The following DDX10 variants were observed in gnomAD, a reference collection of about 807,000 sequenced individuals.
The protein encoded by DDX10 is probable ATP-dependent RNA helicase DDX10.
DDX10 carries 74 observed loss-of-function variants against 104.3 expected under a neutral mutation model. The ratio of observed to expected loss-of-function variants is 0.71; its 90% confidence interval spans 0.59 to 0.86. The LOEUF is 0.86. Ranked by LOEUF, DDX10 falls within the 40% of genes least tolerant of loss-of-function variation. The pLI is 0.00. For missense variants in DDX10, 952 were observed against 1,040.0 expected (o/e 0.92, Z 1.16); for synonymous variants, 351 against 353.4 (o/e 0.99, Z 0.08).
intron 13 of DDX10, among the ~76,000 whole-genome samples, chr11:108,725,278 C>T (rs894655726): frequency 2.2e-4 from 34 of 152,050 alleles, no homozygotes; most frequent in African/African-American, 7.5e-4. Flanking sequence ...TAAACATATA[C>T]ATTTTTATGT....
At position 108,688,958 on chromosome 11, in the gene DDX10, A is replaced by T. The variant is rs768655680; in HGVS notation, c.871A>T (p.Asn291Tyr). 1 of 1,614,010 alleles carries T rather than the reference A, an allele frequency of 6.2e-7. No homozygotes were observed. Among genetic ancestry groups the T allele is most frequent in the Non-Finnish European group, 8.5e-7 (1 of 1,179,978 alleles). ...AAGCACCCCTGCCACTTTGGAACAG[A>T]ACTACATAGTCTGTGAGCTGCAGCA... The part of the protein sequence containing the change: ...KYSTPATLEQ[N>Y]YIVCELQQKI... Residue 291 changes from asparagine (N) to tyrosine (Y), a missense_variant, in exon 7 of 18, where the codon AAC (asparagine) becomes TAC (tyrosine). This residue lies in a region of DDX10 where 412 missense variants were observed against 479.2 expected (regional missense o/e 0.86). Coordinates refer to ENST00000322536, the MANE Select transcript of DDX10 (RefSeq NM_004398.4).
chr11:108,759,459 G>A (rs2094348146), intron 13 of DDX10, among the ~76,000 whole-genome samples: 1 of 151,990 alleles, frequency 6.6e-6, no homozygotes, highest in African/African-American at 2.4e-5. Flanking sequence ...CTCCAGGGGT[G>A]TTGTTTGGTA....
chr11:108,697,527 TTTGTC>T (rs549271839), intron 9 of DDX10, among the ~76,000 whole-genome samples: 19 of 152,294 alleles, frequency 1.2e-4, no homozygotes, highest in Admixed American at 3.9e-4. Flanking sequence ...TTTGGGTACT[TTTGTC>T]TTGAAGTACC....
At chr11:108,895,552 G>A (rs1365992649) in intron 16 of DDX10, among the ~76,000 whole-genome samples, 10 of 151,802 alleles carry the variant, frequency 6.6e-5, no homozygotes, top group East Asian at 3.9e-4. Context: ...TGATTTTAAC[G>A]TCTTATAAAA....
chr11:108,918,292 CT>C (rs201078868), intron 17 of DDX10: 26,891 of 313,196 alleles, frequency 0.086, 151 homozygotes, highest in Middle Eastern at 0.11. Context: ...TTTCTCTATT[CT>C]TTTTTTTTTT....
At chr11:108,704,131 A>G (rs2094272450) in intron 9 of DDX10, among the ~76,000 whole-genome samples, 1 of 152,192 alleles carries the variant, frequency 6.6e-6, no homozygotes, top group African/African-American at 2.4e-5. Flanking sequence ...GAATGAGTAG[A>G]TGAGATGGAC....
At chr11:108,692,468 C>A (rs35098485) in intron 8 of DDX10, among the ~76,000 whole-genome samples, 1 of 151,980 alleles carries the variant, frequency 6.6e-6, no homozygotes, top group African/African-American at 2.4e-5. Flanking sequence ...ATTTTCAAAA[C>A]CTGCTTTGTT....
intron 16 of DDX10, among the ~76,000 whole-genome samples, chr11:108,905,315 G>GT (rs1281918532): frequency 2.7e-5 from 4 of 148,608 alleles, no homozygotes; most frequent in Admixed American, 6.7e-5. Context: ...TTGTTTAAGG[G>GT]GGGGGGGGGT....
At chr11:108,771,428 C>T (rs370267425) in intron 13 of DDX10, among the ~76,000 whole-genome samples, 53 of 151,800 alleles carry the variant, frequency 3.5e-4, no homozygotes, top group Non-Finnish European at 4.0e-4. Context: ...GGCATGATCT[C>T]GACTCATGGA....
At chr11:108,801,873 A>C (rs1316934337) in intron 13 of DDX10, among the ~76,000 whole-genome samples, 2 of 152,184 alleles carry the variant, frequency 1.3e-5, no homozygotes, top group African/African-American at 4.8e-5. Flanking sequence ...AATTCAAAGG[A>C]AGCTCCTTTT....
At chr11:108,865,004 A>G (rs553573453) in intron 16 of DDX10, among the ~76,000 whole-genome samples, 33 of 152,222 alleles carry the variant, frequency 2.2e-4, no homozygotes, top group Non-Finnish European at 4.6e-4. Context: ...ATGCTGGGAT[A>G]TAAGGGCATC....
intron 13 of DDX10, among the ~76,000 whole-genome samples, chr11:108,817,042 C>T (rs932203515): frequency 5.9e-5 from 9 of 152,102 alleles, no homozygotes; most frequent in Non-Finnish European, 1.0e-4. Flanking sequence ...AGAAAAATGG[C>T]ATTCTTTATG....
chr11:108,755,681 C>A lies in DDX10; in HGVS notation c.1965+32219C>A, dbSNP rs1332272993. ...TCAGATGATTACATGGAGAAGCTTA[C>A]TTTTATGAGACAATATAGTGAAATG... On this transcript the variant is annotated intron_variant, in intron 13 of 17. Coordinates refer to ENST00000322536, the MANE Select transcript of DDX10 (RefSeq NM_004398.4). Among the ~76,000 whole-genome samples, 3 of 152,120 alleles carry A rather than the reference C, an allele frequency of 2.0e-5. No individual in the cohort carries two copies. In the East Asian group the frequency reaches 5.8e-4, roughly 29 times the overall value.
At chr11:108,875,891 T>A (rs963471227) in intron 16 of DDX10, among the ~76,000 whole-genome samples, 1 of 152,172 alleles carries the variant, frequency 6.6e-6, no homozygotes, top group East Asian at 1.9e-4. Context: ...TTCACTGTTT[T>A]CATACAGATG....
chr11:108,802,927 A>C (rs1249247234), intron 13 of DDX10, among the ~76,000 whole-genome samples: 1 of 152,240 alleles, frequency 6.6e-6, no homozygotes, highest in Admixed American at 6.5e-5. Flanking sequence ...CTATCAGTCC[A>C]AGCAATCTAT....
intron 13 of DDX10, among the ~76,000 whole-genome samples, chr11:108,771,759 G>A (rs1310796284): frequency 6.6e-6 from 1 of 152,150 alleles, no homozygotes; most frequent in Non-Finnish European, 1.5e-5. Flanking sequence ...AGCTTTAATT[G>A]GTAAAGAAGT....
chr11:108,805,281 C>G (rs139994358), intron 13 of DDX10, among the ~76,000 whole-genome samples: 2 of 152,366 alleles, frequency 1.3e-5, no homozygotes, highest in East Asian at 1.9e-4. Context: ...TGCCCTGCCA[C>G]TCTGTGAGGC....
chr11:108,691,840 G>A (rs1386902164), intron 7 of DDX10, 36 bp from the exon 8 acceptor site: 1 of 1,591,352 alleles, frequency 6.3e-7, no homozygotes, highest in Non-Finnish European at 8.6e-7. Flanking sequence ...GCTGCCATCT[G>A]CCATAAGCAA....
chr11:108,786,544 GGTGT>G (rs200655897), intron 13 of DDX10, among the ~76,000 whole-genome samples: 2,870 of 152,052 alleles, frequency 0.019, 94 homozygotes, highest in African/African-American at 0.065. Context: ...TCCAGTGTTG[GGTGT>G]GTATATGTTT....
Sources: allele counts gnomAD v4.1 joint callset (sites outside exome capture counted in the v4.1 genomes callset), GRCh38; gene constraint gnomAD v4.1.1; regional missense constraint gnomAD v4.1.1; transcripts MANE v1.5; gene names NCBI Gene and HGNC (gene_info 2026-07-23, HGNC 2026-07-21).